Variants in CACNA2D3 observed in about 807,000 individuals in gnomAD.
CACNA2D3 encodes the protein voltage-dependent calcium channel subunit alpha-2/delta-3.
In CACNA2D3, 60 loss-of-function variants were observed where a neutral mutation model predicts 160.6. That is an observed-to-expected ratio of 0.37 (90% CI 0.30 to 0.46). The LOEUF (loss-of-function observed/expected upper bound fraction) is 0.46, where lower values mean the gene tolerates loss of function less well. Ranked by LOEUF, CACNA2D3 falls within the 20% of genes least tolerant of loss-of-function variation. CACNA2D3 has a pLI of 1.00. For missense variants in CACNA2D3, 1,205 were observed against 1,365.0 expected (o/e 0.88, Z 1.85); for synonymous variants, 558 against 492.9 (o/e 1.13, Z -1.75).
intron 5 of CACNA2D3, among the ~76,000 whole-genome samples, chr3:54,548,531 T>G (rs774389548): frequency 6.6e-5 from 10 of 152,130 alleles, no homozygotes; most frequent in Non-Finnish European, 1.2e-4. Flanking sequence ...TAAAAACAAA[T>G]TAAGGGGCAG....
chr3:54,575,545 G>A (rs1702566007), intron 8 of CACNA2D3, among the ~76,000 whole-genome samples: 5 of 152,108 alleles, frequency 3.3e-5, no homozygotes, highest in Admixed American at 2.6e-4. Flanking sequence ...AAGCATTGGG[G>A]CTAACTTAAG....
intron 35 of CACNA2D3, among the ~76,000 whole-genome samples, chr3:55,029,180 T>A (rs563362198): frequency 2.6e-5 from 4 of 152,132 alleles, no homozygotes; most frequent in Admixed American, 2.0e-4. Flanking sequence ...CATTGCACAA[T>A]AGGGACACAG....
intron 18 of CACNA2D3, among the ~76,000 whole-genome samples, chr3:54,878,013 TA>T (rs1699703764): frequency 6.6e-6 from 1 of 152,160 alleles, no homozygotes; most frequent in East Asian, 1.9e-4. Context: ...GAGTAAAATA[TA>T]TGTTTTATTT....
chr3:54,688,937 G>A (rs1455438863), intron 11 of CACNA2D3, among the ~76,000 whole-genome samples: 1 of 118,502 alleles, frequency 8.4e-6, no homozygotes, highest in Non-Finnish European at 1.6e-5. Flanking sequence ...AGCTGAAATT[G>A]CACCATTGCG....
At chr3:54,754,301 C>T (rs886349793) in intron 12 of CACNA2D3, among the ~76,000 whole-genome samples, 1 of 152,194 alleles carries the variant, frequency 6.6e-6, no homozygotes, top group South Asian at 2.1e-4. Flanking sequence ...GTATCCAAGT[C>T]GAGCAGTCAC....
In CACNA2D3 at chr3:54,545,593, G is replaced by A. The variant is rs373774877; in HGVS notation, c.545-17207G>A. Among the ~76,000 whole-genome samples the A allele has an allele frequency of 4.6e-5, 7 of 152,228 alleles. No homozygotes were observed. The East Asian group carries it at 1.2e-3, about 25-fold the overall frequency. ...CTTGCATTAAACTTTCCTTGCTGGT[G>A]ACTGATACAGTTCCTTTTATCTGCC... On this transcript the variant is annotated intron_variant, in intron 5 of 37. Coordinates refer to ENST00000474759, the MANE Select transcript of CACNA2D3 (RefSeq NM_018398.3).
At chr3:54,531,604 C>T (rs1005739795) in intron 5 of CACNA2D3, among the ~76,000 whole-genome samples, 3 of 152,062 alleles carry the variant, frequency 2.0e-5, no homozygotes, top group South Asian at 2.1e-4. Flanking sequence ...CTGGTGAGGG[C>T]GGCATCTCTT....
At chr3:54,577,695 C>A (rs1486516001) in intron 8 of CACNA2D3, among the ~76,000 whole-genome samples, 1 of 152,108 alleles carries the variant, frequency 6.6e-6, no homozygotes, top group Non-Finnish European at 1.5e-5. Context: ...TCTTACGTGC[C>A]AGGTTCTATG....
At chr3:54,604,806 T>C (rs1703135363) in intron 9 of CACNA2D3, among the ~76,000 whole-genome samples, 1 of 152,132 alleles carries the variant, frequency 6.6e-6, no homozygotes, top group Non-Finnish European at 1.5e-5. Flanking sequence ...AGAGACAGAG[T>C]GCTGTGCCTT....
chr3:54,650,051 C>T (rs970783412), intron 11 of CACNA2D3, among the ~76,000 whole-genome samples: 1 of 152,186 alleles, frequency 6.6e-6, no homozygotes, highest in Non-Finnish European at 1.5e-5. Context: ...CTGACCCTCA[C>T]CTGGTTGTGT....
At chr3:54,208,959 A>G (rs926080493) in intron 2 of CACNA2D3, among the ~76,000 whole-genome samples, 6 of 152,172 alleles carry the variant, frequency 3.9e-5, no homozygotes, top group African/African-American at 7.2e-5. Flanking sequence ...GCAGACAAGA[A>G]AGAATGAGAA....
In CACNA2D3 at chr3:54,537,093, CAGAGAGAG is replaced by C. The variant is rs35469509; in HGVS notation, c.545-25685_545-25678del. Among the ~76,000 whole-genome samples, 181 of 148,538 alleles carry C rather than the reference CAGAGAGAG, an allele frequency of 1.2e-3. 3 individuals carry two copies. The highest frequency in any genetic ancestry group is 4.0e-3 in the African/African-American group (162 of 40,304). On this transcript the variant is annotated intron_variant, in intron 5 of 37. Coordinates refer to ENST00000474759, the MANE Select transcript of CACNA2D3 (RefSeq NM_018398.3). ...CTTTTTACAGATAAGGAAACCAAGG[CAGAGAGAG>C]AGAGAGAGAGAGAGAGAGAGATGGA...
intron 2 of CACNA2D3, among the ~76,000 whole-genome samples, chr3:54,207,136 TGTA>T (rs1701289413): frequency 1.3e-5 from 2 of 151,372 alleles, no homozygotes; most frequent in South Asian, 4.2e-4. Flanking sequence ...GGCTGGGAAA[TGTA>T]GTCTTCTTGG....
intron 4 of CACNA2D3, among the ~76,000 whole-genome samples, chr3:54,449,984 G>A (rs576961675): frequency 6.6e-6 from 1 of 152,124 alleles, no homozygotes; most frequent in South Asian, 2.1e-4. Context: ...TGTAATAATT[G>A]GAAACACCAG....
intron 14 of CACNA2D3, 23 bp downstream of exon 14, chr3:54,816,893 C>G (rs976630181): frequency 1.9e-6 from 3 of 1,613,352 alleles, no homozygotes; most frequent in Middle Eastern, 1.6e-4. Context: ...CTGTCACATT[C>G]CAGTCACCCC....
rs1700584218 is a variant in CACNA2D3 at position 54,692,156 on chromosome 3, T to C, written c.1167+49915T>C. On this transcript the variant is annotated intron_variant, in intron 11 of 37. Transcript: ENST00000474759. ...GCCCAGCTAATTTTTGTATTCTTAG[T>C]AGTGACAGGGTTTCACCATGTTGGC... Among the ~76,000 whole-genome samples, 4 of 152,260 alleles carry C rather than the reference T, an allele frequency of 2.6e-5. No homozygotes were observed. In the South Asian group the frequency reaches 8.3e-4, roughly 32 times the overall value.
chr3:54,696,694 C>G (rs1700672918), intron 11 of CACNA2D3, among the ~76,000 whole-genome samples: 1 of 152,152 alleles, frequency 6.6e-6, no homozygotes, highest in Admixed American at 6.5e-5. Flanking sequence ...ACCCAGTTGT[C>G]CTGTGGTTCC....
At chr3:54,599,677 G>A (rs370596109) in intron 9 of CACNA2D3, among the ~76,000 whole-genome samples, 1 of 152,160 alleles carries the variant, frequency 6.6e-6, no homozygotes, top group Non-Finnish European at 1.5e-5. Context: ...CCATCAATGC[G>A]GGGAAAAGCA....
At chr3:55,051,341 A>T (rs1704203233) in intron 35 of CACNA2D3, among the ~76,000 whole-genome samples, 1 of 151,890 alleles carries the variant, frequency 6.6e-6, no homozygotes, top group Admixed American at 6.6e-5. Context: ...CCTCAGCTGC[A>T]GGTCTGTTGG....
Sources: gnomAD v4.1 joint callset for allele counts (sites outside exome capture counted in the v4.1 genomes callset) on GRCh38, gnomAD v4.1.1 for gene constraint, MANE v1.5 for transcripts, NCBI Gene and HGNC (gene_info 2026-07-23, HGNC 2026-07-21) for gene names.